SEMA3C: variants seen among roughly 807,000 people sequenced by gnomAD.
SEMA3C encodes semaphorin-3C.
A neutral mutation model predicts 89.4 loss-of-function variants in SEMA3C; 47 were observed. The ratio of observed to expected loss-of-function variants is 0.53; its 90% confidence interval spans 0.42 to 0.67. The LOEUF is 0.67. Among genes scored for constraint, SEMA3C ranks in the 30% least tolerant of loss-of-function variants. SEMA3C has a pLI of 0.00. For synonymous variants in SEMA3C, 310 were observed against 320.2 expected, an observed-to-expected ratio of 0.97 and a Z score of 0.34; for missense variants, 839 against 929.1, an observed-to-expected ratio of 0.90 and a Z score of 1.26.
At chr7:80,842,490 A>G (rs920495986) in intron 2 of SEMA3C, among the ~76,000 whole-genome samples, 4 of 152,192 alleles carry the variant, frequency 2.6e-5, no homozygotes, top group African/African-American at 9.6e-5. Context: ...TGAGACAAAC[A>G]TTAGCCATGA....
At position 80,758,244 on chromosome 7, in the gene SEMA3C, C is replaced by G. The variant is rs141381381; in HGVS notation, c.1643+87G>C. 37 of 1,395,686 alleles carry G rather than the reference C, an allele frequency of 2.7e-5. No homozygotes were observed. In the East Asian group the frequency reaches 7.6e-4, roughly 29 times the overall value. The allele number at this position is 1,395,686 out of a possible 1,614,324, so 86.5% of individuals were successfully genotyped here. On this transcript the variant is annotated intron_variant, in intron 15 of 17. Coordinates refer to ENST00000265361, the MANE Select transcript of SEMA3C (RefSeq NM_006379.5). ...CCTTTAATGTCATTTAAGGAAACAG[C>G]AATAGAACTAATTCTAAAGATGTGA...
rs765687804 is a variant in SEMA3C at position 80,761,642 on chromosome 7, T to C, written c.1459A>G (p.Thr487Ala). Reference sequence around the variant, plus strand: ...TTTTTAGATGAAATTTTCATTGTTGTTATAGGAGCATGATTCTAAAATATT... The same window carrying C: ...TTTTTAGATGAAATTTTCATTGTTGCTATAGGAGCATGATTCTAAAATATT... ...LEVFKNHAPI[T>A]TMKISSKKQQ... Residue 487 changes from threonine (T) to alanine (A), a missense_variant, in exon 14 of 18, where the codon ACA (threonine) becomes GCA (alanine). Transcript: ENST00000265361. The C allele has an allele frequency of 2.2e-6, 3 of 1,347,698 alleles. No homozygotes were observed. Among genetic ancestry groups the C allele is most frequent in the Non-Finnish European group, 3.1e-6 (3 of 976,774 alleles). 83.5% of individuals were successfully genotyped at this position (1,347,698 alleles called of 1,614,324 possible).
At chr7:80,920,855 T>C (rs1026870205), upstream of SEMA3C, among the ~76,000 whole-genome samples, 1 of 152,210 alleles carries the variant, frequency 6.6e-6, no homozygotes, top group Non-Finnish European at 1.5e-5. Context: ...ATCCAGGTTA[T>C]ATACTCTCCA....
intron 12 of SEMA3C, among the ~76,000 whole-genome samples, chr7:80,768,270 T>C (rs966452933): frequency 2.6e-5 from 4 of 152,108 alleles, no homozygotes; most frequent in African/African-American, 9.7e-5. Flanking sequence ...TCCCAGCACT[T>C]TGGGAGGCCG....
At chr7:80,822,822 G>A (rs966771443) in intron 4 of SEMA3C, among the ~76,000 whole-genome samples, 17 of 152,122 alleles carry the variant, frequency 1.1e-4, no homozygotes, top group Admixed American at 9.2e-4. Flanking sequence ...TATTAGATTT[G>A]TTTTATTTGC....
rs1022521919 is a variant in SEMA3C at position 80,855,716 on chromosome 7, T to C, written c.104-26971A>G. Among the ~76,000 whole-genome samples the C allele has an allele frequency of 7.2e-5, 11 of 152,158 alleles. 1 individual carries two copies. Among genetic ancestry groups the C allele is most frequent in the African/African-American group, 2.4e-4 (10 of 41,434 alleles). The stretch of plus-strand genomic sequence containing the variant: ...GAATCTCAAGGCTGGATGACTCTAG[T>C]GGAGTCAACATGATACAAAACACAA... On this transcript the variant is annotated intron_variant, in intron 2 of 17. Coordinates refer to ENST00000265361, the MANE Select transcript of SEMA3C (RefSeq NM_006379.5).
At chr7:80,876,929 G>A (rs1450705089) in intron 2 of SEMA3C, among the ~76,000 whole-genome samples, 1 of 152,102 alleles carries the variant, frequency 6.6e-6, no homozygotes, top group Non-Finnish European at 1.5e-5. Flanking sequence ...AGCAGTTCTC[G>A]GGGAATTGCT....
At chr7:80,897,427 T>C (rs910386321) in intron 2 of SEMA3C, among the ~76,000 whole-genome samples, 3 of 152,226 alleles carry the variant, frequency 2.0e-5, no homozygotes, top group African/African-American at 7.2e-5. Flanking sequence ...GTAAAAGAGC[T>C]GCTTTAAGTA....
intron 2 of SEMA3C, among the ~76,000 whole-genome samples, chr7:80,901,300 G>A (rs1038271297): frequency 6.6e-6 from 1 of 152,170 alleles, no homozygotes; most frequent in Non-Finnish European, 1.5e-5. Flanking sequence ...ATTTACTGAT[G>A]TGGCTATTTT....
chr7:80,920,490 G>C (rs925128492), upstream of SEMA3C, among the ~76,000 whole-genome samples: 3 of 152,196 alleles, frequency 2.0e-5, no homozygotes, highest in African/African-American at 7.2e-5. Context: ...CAGGTAGGAG[G>C]AAGAGGTGAG....
intron 12 of SEMA3C, among the ~76,000 whole-genome samples, chr7:80,770,329 C>A (rs1788401100): frequency 6.6e-6 from 1 of 152,188 alleles, no homozygotes; most frequent in East Asian, 1.9e-4. Context: ...ATATACTTAT[C>A]AAATGTTTTC....
intron 2 of SEMA3C, among the ~76,000 whole-genome samples, chr7:80,836,570 C>T (rs192125933): frequency 4.3e-4 from 65 of 151,856 alleles, no homozygotes; most frequent in African/African-American, 1.4e-3. Flanking sequence ...CCCAGCTACT[C>T]GGGAGGCTGA....
At chr7:80,786,340 C>G (rs1647670803) in intron 12 of SEMA3C, among the ~76,000 whole-genome samples, 1 of 151,606 alleles carries the variant, frequency 6.6e-6, no homozygotes, top group Non-Finnish European at 1.5e-5. Flanking sequence ...AAAATTCCAC[C>G]CATGAACTCT....
At chr7:80,897,740 C>A (rs1050975174) in intron 2 of SEMA3C, among the ~76,000 whole-genome samples, 12 of 152,120 alleles carry the variant, frequency 7.9e-5, no homozygotes, top group Non-Finnish European at 1.2e-4. Context: ...CAGAAGGCTT[C>A]ATTTACCATT....
intron 4 of SEMA3C, among the ~76,000 whole-genome samples, chr7:80,823,744 C>T (rs1268403304): frequency 6.6e-6 from 1 of 151,940 alleles, no homozygotes; most frequent in Admixed American, 6.6e-5. Flanking sequence ...TATATATAAT[C>T]CTACTTAATT....
Position 80,751,884 on chromosome 7 carries a change from C to T in SEMA3C, c.1644-548G>A, listed in dbSNP as rs1046700973. ...CATTTACTAGAATAAGCATGTTGTC[C>T]CCAACTTTTTATTTTGAAAATTTCA... On this transcript the variant is annotated intron_variant, in intron 15 of 17. Coordinates refer to ENST00000265361, the MANE Select transcript of SEMA3C (RefSeq NM_006379.5). 6.6e-5 allele frequency among the ~76,000 whole-genome samples: 10 copies of T among 152,002 alleles called. No homozygotes were observed. In the East Asian group the frequency reaches 9.6e-4, roughly 15 times the overall value.
At chr7:80,898,638 T>C (rs981941683) in intron 2 of SEMA3C, among the ~76,000 whole-genome samples, 15 of 152,116 alleles carry the variant, frequency 9.9e-5, no homozygotes, top group Admixed American at 8.5e-4. Flanking sequence ...CAGGCTTCCA[T>C]AATCACTCTG....
Position 80,890,908 on chromosome 7 carries a change from T to C in SEMA3C, c.103+25771A>G, listed in dbSNP as rs138151036. ...TTTTAGCTTGTTTCTTTGAGAAGCA[T>C]ATGCACATGTTATCTGCATGTCCTC... On this transcript the variant is annotated intron_variant, in intron 2 of 17. Transcript: ENST00000265361. 7.9e-5 allele frequency among the ~76,000 whole-genome samples: 12 copies of C among 152,294 alleles called. No homozygotes were observed. The East Asian group carries it at 2.3e-3, about 29-fold the overall frequency.
chr7:80,863,997 C>T (rs1562912440), intron 2 of SEMA3C, among the ~76,000 whole-genome samples: 3 of 149,660 alleles, frequency 2.0e-5, no homozygotes, highest in Non-Finnish European at 3.0e-5. Context: ...ATGTATATCA[C>T]ATATATATCG....
Sources: allele counts gnomAD v4.1 joint callset (sites outside exome capture counted in the v4.1 genomes callset), GRCh38; gene constraint gnomAD v4.1.1; transcripts MANE v1.5; gene names NCBI Gene and HGNC (gene_info 2026-07-23, HGNC 2026-07-21).